Variants in ABCC12 observed in about 807,000 individuals in gnomAD.
ABCC12 encodes the protein ATP-binding cassette sub-family C member 12.
In ABCC12, 142 loss-of-function variants were observed where a neutral mutation model predicts 151.1. The ratio of observed to expected loss-of-function variants is 0.94; its 90% CI spans 0.82 to 1.08. The LOEUF (loss-of-function observed/expected upper bound fraction) is 1.08, where lower values mean the gene tolerates loss of function less well. Among genes scored for constraint, ABCC12 ranks in the 50% least tolerant of loss-of-function variants. ABCC12 has a pLI of 0.00. For missense variants in ABCC12, 1,638 were observed against 1,691.1 expected (o/e 0.97, Z 0.55); for synonymous variants, 645 against 646.4 (o/e 1.00, Z 0.03).
intron 8 of ABCC12, among the ~76,000 whole-genome samples, chr16:48,134,187 G>A (rs1466817871): frequency 1.3e-5 from 2 of 152,208 alleles, no homozygotes; most frequent in African/African-American, 4.8e-5. Context: ...CAGCGCAGCA[G>A]AATGGAGAGG....
chr16:48,122,029 C>T (rs1330549776), intron 12 of ABCC12, among the ~76,000 whole-genome samples, 189 bp from the exon 13 acceptor site: 1 of 152,248 alleles, frequency 6.6e-6, no homozygotes, highest in African/African-American at 2.4e-5. Context: ...AGTCAAACAC[C>T]TGCACAGGGC....
In ABCC12 at chr16:48,105,143, T is replaced by A; in HGVS notation, c.2669A>T (p.Asp890Val). The change falls in exon 21 of 31, where the codon GAT (aspartate) becomes GTT (valine). Residue 890 changes from aspartate (D) to valine (V), a missense_variant. By Grantham distance (152) the Asp-to-Val change is radical. Coordinates refer to ENST00000311303, the MANE Select transcript of ABCC12 (RefSeq NM_001393797.1). ...ASSSLHDTVF[D>V]KILKSPMSFF... ...CTGCAATGCTTGTGGCCCTACCTTATCAAACACCGTGTCATGCAGAGAGGA... is the reference window on the plus strand; with the variant it reads ...CTGCAATGCTTGTGGCCCTACCTTAACAAACACCGTGTCATGCAGAGAGGA... The A allele has an allele frequency of 6.2e-7, 1 of 1,614,102 alleles. No individual in the cohort carries two copies. The highest frequency in any genetic ancestry group is 8.5e-7 in the Non-Finnish European group (1 of 1,180,018).
chr16:48,155,424 G>T (rs989015102), intron 1 of ABCC12, among the ~76,000 whole-genome samples: 1 of 151,088 alleles, frequency 6.6e-6, no homozygotes, highest in African/African-American at 2.4e-5. Context: ...TATGAGAACT[G>T]CAGTAAAGCT....
At chr16:48,106,094 C>T (rs1006726943) in intron 20 of ABCC12, among the ~76,000 whole-genome samples, 8 of 152,202 alleles carry the variant, frequency 5.3e-5, no homozygotes, top group Non-Finnish European at 1.0e-4. Flanking sequence ...CAAGACTGCC[C>T]TTGGGGAGCA....
Position 48,107,340 on chromosome 16 carries a change from C to T in ABCC12, c.2457G>A (p.Trp819Ter). 6.2e-7 allele frequency: 1 copy of T among 1,614,156 alleles called. No homozygotes were observed. The highest frequency in any genetic ancestry group is 8.5e-7 in the Non-Finnish European group (1 of 1,180,020). Residue 819 changes from tryptophan to a stop codon, truncating the protein, a stop_gained, in exon 20 of 31, where the codon TGG becomes TGA. Coordinates refer to ENST00000311303, the MANE Select transcript of ABCC12 (RefSeq NM_001393797.1). LOFTEE classifies it high-confidence loss of function. ...AAFSNWWLGL[W>*]LDKGSRMTCG... The stretch of plus-strand genomic sequence containing the variant: ...AACTCACCCGTGAGCCCTTGTCCAA[C>T]CAGAGACCCAGCCACCAGTTGCTGA...
chr16:48,145,209 G>A (rs545392063), intron 3 of ABCC12, among the ~76,000 whole-genome samples: 1 of 152,330 alleles, frequency 6.6e-6, no homozygotes, highest in East Asian at 1.9e-4. Context: ...CCTTGGCCCA[G>A]ACAGAGATGC....
Position 48,111,657 on chromosome 16 carries a change from A to C in ABCC12, c.2130T>G (p.Pro710=), listed in dbSNP as rs1299997445. ...CCATTGCTGCATTGTAAAGGTGTTC[A>C]GGATCCTGGAGACAAAATGAAATTC... is the stretch of plus-strand genomic sequence containing the variant. The part of the protein sequence containing the change: ...HNLRGLQFKD[P]EHLYNAAMVE... Residue 710 remains proline, a synonymous_variant, in exon 17 of 31, where the codon CCT becomes CCG. Coordinates refer to ENST00000311303, the MANE Select transcript of ABCC12 (RefSeq NM_001393797.1). The C allele has an allele frequency of 6.2e-7, 1 of 1,614,168 alleles. No individual in the cohort carries two copies. Among genetic ancestry groups the C allele is most frequent in the South Asian group, 1.1e-5 (1 of 91,080 alleles).
chr16:48,140,821 T>A lies in ABCC12; in HGVS notation c.523A>T (p.Thr175Ser). 1 of 1,614,104 alleles carries A rather than the reference T, an allele frequency of 6.2e-7. No individual in the cohort carries two copies. The highest frequency in any genetic ancestry group is 1.1e-5 in the South Asian group (1 of 91,070). ...LCIALFATEFTKVFFWALAWA... is the reference protein window; with the variant it reads ...LCIALFATEFSKVFFWALAWA... ...GCAAGGGCCCAAAAGAAGACTTTGG[T>A]AAACTCGGTGGCAAAAAGGGCTATG... The change falls in exon 6 of 31, where the codon ACC (threonine) becomes TCC (serine). Residue 175 changes from threonine (T) to serine (S), a missense_variant. Coordinates refer to ENST00000311303, the MANE Select transcript of ABCC12 (RefSeq NM_001393797.1).
intron 5 of ABCC12, 132 bp downstream of exon 5, chr16:48,141,074 A>G: frequency 9.8e-6 from 14 of 1,424,946 alleles, no homozygotes; most frequent in Non-Finnish European, 1.2e-5. Context: ...TCACTTTATG[A>G]AAATTCGCCC....
intron 2 of ABCC12, among the ~76,000 whole-genome samples, chr16:48,151,949 G>A (rs1385080893): frequency 6.6e-6 from 1 of 152,228 alleles, no homozygotes; most frequent in African/African-American, 2.4e-5. Context: ...GAGACTAGAA[G>A]GATTTGAGAA....
intron 4 of ABCC12, among the ~76,000 whole-genome samples, chr16:48,143,677 G>A (rs1311094526): frequency 1.3e-5 from 2 of 152,156 alleles, no homozygotes; most frequent in Non-Finnish European, 2.9e-5. Flanking sequence ...AGTCTCATGA[G>A]ATCTGATGGT....
rs373868982 is a variant in ABCC12 at position 48,101,003 on chromosome 16, G to A, written c.2907C>T (p.Phe969=). The change falls in exon 23 of 31, where the codon TTC becomes TTT. Residue 969 remains phenylalanine (F), a synonymous_variant. Transcript: ENST00000311303. ...TCTTGAGCTCCTGGACTCCTCTGTGGAAAATGCTGGAAGAAAATTGAAAGG... is the reference window on the plus strand; with the variant it reads ...TCTTGAGCTCCTGGACTCCTCTGTGAAAAATGCTGGAAGAAAATTGAAAGG... The part of the protein sequence containing the change: ...AVGFFILLRI[F]HRGVQELKKV... 4.8e-5 allele frequency: 77 copies of A among 1,613,878 alleles called. No homozygotes were observed. Among genetic ancestry groups the A allele is most frequent in the Non-Finnish European group, 6.4e-5 (75 of 1,179,936 alleles).
chr16:48,136,381 G>A (rs1006987596), intron 8 of ABCC12, among the ~76,000 whole-genome samples: 2 of 152,064 alleles, frequency 1.3e-5, no homozygotes, highest in Non-Finnish European at 2.9e-5. Context: ...CCCCAACCCA[G>A]TGTGCTCCCC....
intron 23 of ABCC12, among the ~76,000 whole-genome samples, chr16:48,099,131 C>A (rs1458373190): frequency 6.6e-6 from 1 of 152,122 alleles, no homozygotes; most frequent in East Asian, 1.9e-4. Flanking sequence ...AAATTTAATG[C>A]AATTCCAGGC....
rs753027637 is a variant in ABCC12 at position 48,128,586 on chromosome 16, A to G, written c.1388T>C (p.Leu463Ser). The G allele has an allele frequency of 3.7e-6, 6 of 1,614,090 alleles. No homozygotes were observed. In the African/African-American group the frequency reaches 8.0e-5, roughly 22 times the overall value. The stretch of plus-strand genomic sequence containing the variant: ...TGCCTCTGACCTCTGTTTCTTGCAT[A>G]AATGCCTTTTCTGGTTCTGCAATTT... ...PKKLQNQKRH[L>S]CKKQRSEAYS... The change falls in exon 11 of 31, where the codon TTA becomes TCA. Residue 463 changes from leucine (L) to serine (S), a missense_variant. Leu to Ser is a moderately radical substitution (Grantham distance 145). Coordinates refer to ENST00000311303, the MANE Select transcript of ABCC12 (RefSeq NM_001393797.1).
chr16:48,102,175 TCAGGCTGGTGG>T (rs1410618315), intron 22 of ABCC12, among the ~76,000 whole-genome samples: 1 of 152,108 alleles, frequency 6.6e-6, no homozygotes, highest in Non-Finnish European at 1.5e-5. Flanking sequence ...CCACAACCAA[TCAGGCTGGTGG>T]CAGGCCAAGT....
At chr16:48,084,931 C>T (rs141474795) in intron 29 of ABCC12, among the ~76,000 whole-genome samples, 4 of 152,032 alleles carry the variant, frequency 2.6e-5, no homozygotes, top group East Asian at 3.9e-4. Flanking sequence ...TTAACTTCCC[C>T]GAGGCTCTGT....
intron 23 of ABCC12, among the ~76,000 whole-genome samples, chr16:48,098,616 C>T (rs1422082928): frequency 1.3e-5 from 2 of 152,252 alleles, no homozygotes; most frequent in African/African-American, 4.8e-5. Flanking sequence ...GCCTCCATGA[C>T]CTGGAAGTCA....
intron 15 of ABCC12, 140 bp from the exon 16 acceptor site, chr16:48,112,050 G>C: frequency 1.8e-6 from 2 of 1,100,966 alleles, no homozygotes; most frequent in South Asian, 3.3e-5. Context: ...GTGCATTGTA[G>C]GATATTTACC....
Sources: allele counts gnomAD v4.1 joint callset (sites outside exome capture counted in the v4.1 genomes callset), GRCh38; gene constraint gnomAD v4.1.1; transcripts MANE v1.5; gene names NCBI Gene and HGNC (gene_info 2026-07-23, HGNC 2026-07-21).